The following KAT2A variants were observed in gnomAD, a reference collection of about 807,000 sequenced individuals.
KAT2A encodes histone acetyltransferase KAT2A.
In KAT2A, 42 loss-of-function variants were observed where a neutral mutation model predicts 95.2. The observed-to-expected ratio is 0.44, with a 90% CI of 0.34 to 0.57. The LOEUF is 0.57. Ranked by LOEUF, KAT2A falls within the 20% of genes least tolerant of loss-of-function variation. The pLI, the probability that KAT2A is intolerant of heterozygous loss-of-function variation, is 0.01. For missense variants in KAT2A, 784 were observed against 1,126.3 expected (o/e 0.70, Z 4.35); for synonymous variants, 449 against 448.2 (o/e 1.00, Z -0.02).
intron 2 of KAT2A, 110 bp downstream of exon 2, chr17:42,120,596 C>A: frequency 1.5e-6 from 2 of 1,375,804 alleles, no homozygotes; most frequent in Non-Finnish European, 1.0e-6. Context: ...CCCAATCCCT[C>A]CTTCGAGGCA....
chr17:42,121,211 G>A lies in KAT2A; in HGVS notation c.94C>T (p.Pro32Ser). The A allele has an allele frequency of 1.5e-6, 2 of 1,344,740 alleles. No individual in the cohort carries two copies. The highest frequency in any genetic ancestry group is 9.8e-7 in the Non-Finnish European group (1 of 1,016,472). 83.3% of individuals were successfully genotyped at this position (1,344,740 alleles called of 1,614,324 possible). A position where few individuals can be genotyped will look rare whatever the true frequency, so the allele number is the denominator to read the frequency against. The stretch of plus-strand genomic sequence containing the variant: ...GGAATCGGGGCTGAAGCCGGGCTGG[G>A]TGCAGGAGTCGGAGTTGGGGCAGGG... ...PAPAPTPTPA[P>S]SPASAPIPTP... Residue 32 changes from proline to serine, a missense_variant, in exon 1 of 18, where the codon CCC becomes TCC. Coordinates refer to ENST00000225916, the MANE Select transcript of KAT2A (RefSeq NM_021078.3).
rs561140038 is a variant in KAT2A at position 42,118,138 on chromosome 17, G to C, written c.1181-121C>G. The C allele has an allele frequency of 1.6e-3, 1,253 of 784,460 alleles. 1 individual carries two copies. The highest frequency in any genetic ancestry group is 2.4e-3 in the Non-Finnish European group (1,167 of 483,152). 48.6% of individuals were successfully genotyped at this position (784,460 alleles called of 1,614,324 possible). ...TCAGGGACGGGGGTGCTGAAGCTGA[G>C]GAGAGAGAGAGAGAAGGCAGGGACT... On this transcript the variant is annotated intron_variant, in intron 7 of 17. Coordinates refer to ENST00000225916, the MANE Select transcript of KAT2A (RefSeq NM_021078.3).
chr17:42,118,976 G>A (rs1218046233), intron 6 of KAT2A: 2 of 1,244,264 alleles, frequency 1.6e-6, no homozygotes, highest in African/African-American at 1.5e-5. Context: ...GCTGTGTCCA[G>A]GCCCCCATGG....
At chr17:42,118,227 C>G in intron 7 of KAT2A, 70 bp downstream of exon 7, 2 of 1,253,724 alleles carry the variant, frequency 1.6e-6, no homozygotes, top group Non-Finnish European at 2.3e-6. Flanking sequence ...CAGGTGAGCT[C>G]TCTTCCACCC....
At position 42,114,438 on chromosome 17, in the gene KAT2A, C is replaced by G. The variant is rs782303432; in HGVS notation, c.2135-44G>C. The G allele has an allele frequency of 1.2e-6, 2 of 1,613,724 alleles. No individual in the cohort carries two copies. The stretch of plus-strand genomic sequence containing the variant: ...GAGAATGTCTCTAAGAATGCCAGTC[C>G]ACACCCCAAGCATCGTGCCCCCACT... On this transcript the variant is annotated intron_variant, in intron 14 of 17. Transcript: ENST00000225916. This position sits in a 1 kb window ranked among gnomAD's most constrained non-coding sequence, Gnocchi z 6.0.
At chr17:42,115,651 CCA>C in intron 12 of KAT2A, 70 bp downstream of exon 12, 6 of 960,334 alleles carry the variant, frequency 6.2e-6, no homozygotes, top group Non-Finnish European at 1.0e-5. Flanking sequence ...CCTACTCCAT[CCA>C]CAGAGGGGCT....
Position 42,113,859 on chromosome 17 carries a change from C to G in KAT2A, c.2321-17G>C. 6.4e-7 allele frequency: 1 copy of G among 1,558,566 alleles called. No homozygotes were observed. The highest frequency in any genetic ancestry group is 8.7e-7 in the Non-Finnish European group (1 of 1,155,654). On this transcript the variant is annotated splice_polypyrimidine_tract_variant and intron_variant, in intron 17 of 17. Coordinates refer to ENST00000225916, the MANE Select transcript of KAT2A (RefSeq NM_021078.3). ...TCTTCAGGTCTGGGGCAGCAGGAGA[C>G]GGAGCACAGCTTTAAGAGGCTGAAG...
chr17:42,119,758 T>C lies in KAT2A; in HGVS notation c.700-40A>G. ...GTGGGGGATAAAACCAGGAATGAGGTGTGAGCAGCCCGCAGGGCCTTCTTA... is the reference window on the plus strand; with the variant it reads ...GTGGGGGATAAAACCAGGAATGAGGCGTGAGCAGCCCGCAGGGCCTTCTTA... On this transcript the variant is annotated intron_variant, in intron 4 of 17. Coordinates refer to ENST00000225916, the MANE Select transcript of KAT2A (RefSeq NM_021078.3). The surrounding 1 kb of genome is among the most constrained non-coding windows in gnomAD (Gnocchi z 5.3). 1 of 1,537,544 alleles carries C rather than the reference T, an allele frequency of 6.5e-7. No homozygotes were observed. The highest frequency in any genetic ancestry group is 8.8e-7 in the Non-Finnish European group (1 of 1,133,434).
At chr17:42,118,549 G>A in intron 6 of KAT2A, 146 bp from the exon 7 acceptor site, 1 of 626,156 alleles carries the variant, frequency 1.6e-6, no homozygotes, top group Non-Finnish European at 2.9e-6. Context: ...CCTGTCTTCT[G>A]GGAGCCTCCA....
rs373288299 is a variant in KAT2A, at chr17:42,118,646, T to G, written c.1074-243A>C. Among the ~76,000 whole-genome samples, 4 of 152,302 alleles carry G rather than the reference T, an allele frequency of 2.6e-5. No homozygotes were observed. The East Asian group carries it at 7.7e-4, about 29-fold the overall frequency. ...GCTGTGTGGCACAGGGAGACAGGTC[T>G]GAGCTGATGTCATCCTGTGCTGTGT... On this transcript the variant is annotated intron_variant, in intron 6 of 17. Transcript: ENST00000225916.
chr17:42,119,362 C>T lies in KAT2A; in HGVS notation c.956G>A (p.Arg319Gln). The T allele has an allele frequency of 6.2e-7, 1 of 1,614,078 alleles. No individual in the cohort carries two copies. The highest frequency in any genetic ancestry group is 8.5e-7 in the Non-Finnish European group (1 of 1,179,980). Reference sequence around the variant, plus strand: ...GGTGAAAATGGACCGGAGAAGGCTTCGCCCAAAGACATGAGTGGTTTCGTA... The same window carrying T: ...GGTGAAAATGGACCGGAGAAGGCTTTGCCCAAAGACATGAGTGGTTTCGTA... The part of the protein sequence containing the change: ...PRYETTHVFG[R>Q]SLLRSIFTVT... Residue 319 changes from arginine to glutamine, a missense_variant, in exon 6 of 18, where the codon CGA (arginine) becomes CAA (glutamine). This residue lies in a region of KAT2A where 208 missense variants were observed against 339.7 expected (regional missense o/e 0.61). Transcript: ENST00000225916. The surrounding 1 kb of genome is among the most constrained non-coding windows in gnomAD (Gnocchi z 5.3).
Position 42,117,173 on chromosome 17 carries a change from G to A in KAT2A, c.1638-12C>T, listed in dbSNP as rs782139360. 46 of 1,613,612 alleles carry A rather than the reference G, an allele frequency of 2.9e-5. No homozygotes were observed. Among genetic ancestry groups the A allele is most frequent in the Admixed American group, 8.3e-5 (5 of 59,998 alleles). On this transcript the variant is annotated splice_polypyrimidine_tract_variant and intron_variant, in intron 10 of 17. Transcript: ENST00000225916. This position sits in a 1 kb window ranked among gnomAD's most constrained non-coding sequence, Gnocchi z 8.9. Reference sequence around the variant, plus strand: ...GAGTCTTGTGCTTCCTAAGAGAGAGGGGGGCATGTCATAGCCCCTGACTGT... The same window carrying A: ...GAGTCTTGTGCTTCCTAAGAGAGAGAGGGGCATGTCATAGCCCCTGACTGT...
intron 2 of KAT2A, 110 bp downstream of exon 2, chr17:42,120,596 C>G: frequency 7.3e-7 from 1 of 1,375,804 alleles, no homozygotes; most frequent in Non-Finnish European, 1.0e-6. Flanking sequence ...CCCAATCCCT[C>G]CTTCGAGGCA....
In KAT2A at chr17:42,117,796, G is replaced by T. The variant is rs2054280091; in HGVS notation, c.1310C>A (p.Pro437Gln). The change falls in exon 9 of 18, where the codon CCA (proline) becomes CAA (glutamine). Residue 437 changes from proline to glutamine, a missense_variant. By Grantham distance (76) the Pro-to-Gln change is moderately conservative. Transcript: ENST00000225916. This position sits in a 1 kb window ranked among gnomAD's most constrained non-coding sequence, Gnocchi z 8.9. ...EPMPGEKRTL[P>Q]ENLTLEDAKR... ...GGCATCCTCCAGGGTCAGGTTCTCT[G>T]GGAGCGTCCTCTTCTCGCCTATTGG... 1 of 1,613,998 alleles carries T rather than the reference G, an allele frequency of 6.2e-7. No individual in the cohort carries two copies. Among genetic ancestry groups the T allele is most frequent in the Non-Finnish European group, 8.5e-7 (1 of 1,179,908 alleles).
In KAT2A at chr17:42,117,926, T is replaced by G. The variant is rs1555666394; in HGVS notation, c.1272A>C (p.Ala424=). ...ATCCACCTGGCATAGGCTCGGCCCC[T>G]GCAGAATCCAGACTCAGGGAGCTGT... The part of the protein sequence containing the change: ...GSNSSLSLDS[A]GAEPMPGEKR... The change falls in exon 8 of 18, where the codon GCA becomes GCC. Residue 424 remains alanine (A), a synonymous_variant. Coordinates refer to ENST00000225916, the MANE Select transcript of KAT2A (RefSeq NM_021078.3). The surrounding 1 kb of genome is among the most constrained non-coding windows in gnomAD (Gnocchi z 8.9). 3 of 1,605,898 alleles carry G rather than the reference T, an allele frequency of 1.9e-6. No homozygotes were observed. The highest frequency in any genetic ancestry group is 2.6e-6 in the Non-Finnish European group (3 of 1,174,846).
chr17:42,120,577 C>T (rs545971081), intron 2 of KAT2A, 129 bp downstream of exon 2: 16 of 1,229,888 alleles, frequency 1.3e-5, no homozygotes, highest in Non-Finnish European at 1.9e-5. Flanking sequence ...GGTGCACACC[C>T]CCCCCCAACC....
At position 42,119,112 on chromosome 17, in the gene KAT2A, G is replaced by C; in HGVS notation, c.1073+133C>G. ...TCTGGGCCATGGGCAAGTCTGCCAG[G>C]TAGACGCCCAGATCCCAAAAGGCCC... On this transcript the variant is annotated intron_variant, in intron 6 of 17. Coordinates refer to ENST00000225916, the MANE Select transcript of KAT2A (RefSeq NM_021078.3). The surrounding 1 kb of genome is among the most constrained non-coding windows in gnomAD (Gnocchi z 5.3). 6 of 1,501,260 alleles carry C rather than the reference G, an allele frequency of 4.0e-6. No individual in the cohort carries two copies. The highest frequency in any genetic ancestry group is 5.3e-6 in the Non-Finnish European group (6 of 1,126,848). The allele number at this position is 1,501,260 out of a possible 1,614,324, so 93.0% of individuals were successfully genotyped here. A position where few individuals can be genotyped will look rare whatever the true frequency, so the allele number is the denominator to read the frequency against.
chr17:42,115,910 G>A (rs1350814490), intron 11 of KAT2A, 77 bp from the exon 12 acceptor site: 2 of 837,868 alleles, frequency 2.4e-6, no homozygotes, highest in African/African-American at 3.3e-5. Flanking sequence ...GACCAGAGAA[G>A]AGCGGGTAGA....
chr17:42,120,501 C>T (rs1024967596), intron 2 of KAT2A, 131 bp from the exon 3 acceptor site: 2 of 1,239,664 alleles, frequency 1.6e-6, no homozygotes, highest in Non-Finnish European at 2.3e-6. Flanking sequence ...AGACTGACTG[C>T]TCCGATATCA....
Sources: allele counts gnomAD v4.1 joint callset (sites outside exome capture counted in the v4.1 genomes callset), GRCh38; gene constraint gnomAD v4.1.1; regional missense constraint gnomAD v4.1.1; non-coding constraint Gnocchi (gnomAD v3.1); transcripts MANE v1.5; gene names NCBI Gene and HGNC (gene_info 2026-07-23, HGNC 2026-07-21).